Variants in ZSCAN25 observed in about 807,000 individuals in gnomAD.
ZSCAN25 encodes the protein zinc finger and SCAN domain-containing protein 25.
A neutral mutation model predicts 38.7 loss-of-function variants in ZSCAN25; 27 were observed. That is an observed-to-expected ratio of 0.70 (90% confidence interval 0.51 to 0.96). The LOEUF (loss-of-function observed/expected upper bound fraction) is 0.96. Ranked by LOEUF, ZSCAN25 falls within the 40% of genes least tolerant of loss-of-function variation. The pLI, the probability that ZSCAN25 is intolerant of heterozygous loss-of-function variation, is 0.00. For missense variants in ZSCAN25, 637 were observed against 705.9 expected, an observed-to-expected ratio of 0.90 and a Z score of 1.11; for synonymous variants, 273 against 277.7, an observed-to-expected ratio of 0.98 and a Z score of 0.17.
chr7:99,658,532 A>G, the ZSCAN25 span, among the ~76,000 whole-genome samples: 9 of 152,042 alleles, frequency 5.9e-5, no homozygotes, highest in South Asian at 1.0e-3. Context: ...CTTCATTTCA[A>G]CTTTGGTGAA....
the ZSCAN25 span, among the ~76,000 whole-genome samples, chr7:99,688,557 C>T: frequency 6.6e-6 from 1 of 152,066 alleles, no homozygotes; most frequent in African/African-American, 2.4e-5. Context: ...ACTTTGACTC[C>T]CACACAATAA....
chr7:99,727,271 G>T, the ZSCAN25 span, among the ~76,000 whole-genome samples: 1 of 152,176 alleles, frequency 6.6e-6, no homozygotes, highest in Non-Finnish European at 1.5e-5. Context: ...TTTTAGGCTG[G>T]TCATCATGTC....
chr7:99,638,418 A>G, the ZSCAN25 span: 1 of 1,581,132 alleles, frequency 6.3e-7, no homozygotes, highest in Non-Finnish European at 8.7e-7. Flanking sequence ...GAAGATGAGG[A>G]TTATGGCATC....
chr7:99,625,576 G>A (rs1198567481), intron 7 of ZSCAN25, among the ~76,000 whole-genome samples: 1 of 152,208 alleles, frequency 6.6e-6, no homozygotes, highest in South Asian at 2.1e-4. Context: ...ATGTGGAGAT[G>A]TGTGATTGCT....
At chr7:99,715,602 A>T in the ZSCAN25 span, 1 of 1,328,318 alleles carries the variant, frequency 7.5e-7, no homozygotes, top group Non-Finnish European at 1.0e-6. Context: ...GAAGTGTTTT[A>T]AAGTTTACAA....
chr7:99,644,618 G>A, the ZSCAN25 span, among the ~76,000 whole-genome samples: 1 of 152,146 alleles, frequency 6.6e-6, no homozygotes, highest in African/African-American at 2.4e-5. Context: ...TTGATAGGAA[G>A]CTGCATATAA....
In ZSCAN25 at chr7:99,624,177, C is replaced by T. The variant is rs769477363; in HGVS notation, c.802C>T (p.Pro268Ser). The T allele has an allele frequency of 6.2e-7, 1 of 1,613,506 alleles. No individual in the cohort carries two copies. The highest frequency in any genetic ancestry group is 8.5e-7 in the Non-Finnish European group (1 of 1,179,898). ...YVEPQDCRVS[P>S]GGGSKEKEAK... ...GGAACCGCAGGACTGCAGGGTCTCTCCAGGTAAGACTGTCTCCACCCACAG... is the reference window on the plus strand; with the variant it reads ...GGAACCGCAGGACTGCAGGGTCTCTTCAGGTAAGACTGTCTCCACCCACAG... The change falls in exon 7 of 8, where the codon CCA (proline) becomes TCA (serine). Residue 268 changes from proline to serine, a missense_variant. Pro to Ser is a moderately conservative substitution (Grantham distance 74). Transcript: ENST00000394152.
rs1247269970 is a variant in ZSCAN25 at position 99,629,043 on chromosome 7, AAAG to A, written c.806-144_806-142del. On this transcript the variant is annotated intron_variant, in intron 7 of 7. Coordinates refer to ENST00000394152, the MANE Select transcript of ZSCAN25 (RefSeq NM_145115.3). The surrounding 1 kb of genome is among the most constrained non-coding windows in gnomAD (Gnocchi z 5.6). ...AAGACATGGAGGTGGAAATAAGGAA[AAAG>A]AAGTAAGGAAAGCCTGAGTTGAGGT... 1 of 1,146,106 alleles carries A rather than the reference AAAG, an allele frequency of 8.7e-7. No homozygotes were observed. The highest frequency in any genetic ancestry group is 1.6e-5 in the African/African-American group (1 of 63,810). The allele number at this position is 1,146,106 out of a possible 1,614,324, so 71.0% of individuals were successfully genotyped here.
Position 99,619,893 on chromosome 7 carries a change from G to A in ZSCAN25, c.287G>A (p.Arg96His), listed in dbSNP as rs574730636. The change falls in exon 4 of 8, where the codon CGC becomes CAC. Residue 96 changes from arginine (R) to histidine (H), a missense_variant. Coordinates refer to ENST00000394152, the MANE Select transcript of ZSCAN25 (RefSeq NM_145115.3). ...GAGCAGTTCCTCACTATCCTGCCCC[G>A]CGAGTTCTACGCCTGGATCCGGGAG... ...VLEQFLTILP[R>H]EFYAWIREHG... The A allele has an allele frequency of 8.7e-6, 14 of 1,614,224 alleles. No homozygotes were observed. Among genetic ancestry groups the A allele is most frequent in the South Asian group, 3.3e-5 (3 of 91,084 alleles).
chr7:99,667,211 G>A, the ZSCAN25 span: 44 of 465,464 alleles, frequency 9.5e-5, no homozygotes, highest in Non-Finnish European at 1.5e-4. Flanking sequence ...GATGCTCAAT[G>A]GAGATCCTAG....
the ZSCAN25 span, among the ~76,000 whole-genome samples, chr7:99,719,922 T>G: frequency 6.6e-6 from 1 of 152,090 alleles, no homozygotes; most frequent in African/African-American, 2.4e-5. Flanking sequence ...ACTTGAACCC[T>G]GGAGGTGGAG....
the ZSCAN25 span, chr7:99,705,458 G>A: frequency 1.2e-6 from 2 of 1,601,530 alleles, no homozygotes; most frequent in African/African-American, 1.3e-5. Context: ...GTGTTCTGGG[G>A]CACAGCTTTC....
chr7:99,632,785 G>A (rs1808093729), downstream of ZSCAN25, among the ~76,000 whole-genome samples: 1 of 152,136 alleles, frequency 6.6e-6, no homozygotes, highest in African/African-American at 2.4e-5. Flanking sequence ...GCAAGACCCT[G>A]TCTCAAAACA....
chr7:99,634,661 G>T (rs1808196523), downstream of ZSCAN25, among the ~76,000 whole-genome samples: 1 of 152,234 alleles, frequency 6.6e-6, no homozygotes, highest in South Asian at 2.1e-4. Context: ...GCTGGGCATG[G>T]TGGTGGGCAC....
the ZSCAN25 span, among the ~76,000 whole-genome samples, chr7:99,673,143 G>T: frequency 6.6e-6 from 1 of 152,178 alleles, no homozygotes; most frequent in Non-Finnish European, 1.5e-5. Context: ...GTTGGTGTGG[G>T]GCCCATGGAC....
chr7:99,731,206 G>A, the ZSCAN25 span: 5 of 1,601,712 alleles, frequency 3.1e-6, no homozygotes, highest in Admixed American at 1.7e-5. Context: ...ATAGATATAG[G>A]GGCTGGTGAG....
chr7:99,682,928 A>C, the ZSCAN25 span, among the ~76,000 whole-genome samples: 2 of 152,188 alleles, frequency 1.3e-5, no homozygotes, highest in African/African-American at 4.8e-5. Flanking sequence ...CACTGTTGGC[A>C]TGCAGAAATG....
At position 99,629,429 on chromosome 7, in the gene ZSCAN25, C is replaced by A; in HGVS notation, c.1044C>A (p.Phe348Leu). 6.2e-7 allele frequency: 1 copy of A among 1,614,234 alleles called. No individual in the cohort carries two copies. The highest frequency in any genetic ancestry group is 8.5e-7 in the Non-Finnish European group (1 of 1,180,042). The part of the protein sequence containing the change: ...VKTHSSFWKP[F>L]QCPECGKGFS... ...CCCACAGCTCCTTCTGGAAGCCTTT[C>A]CAGTGCCCTGAGTGTGGGAAAGGAT... Residue 348 changes from phenylalanine to leucine, a missense_variant, in exon 8 of 8, where the codon TTC becomes TTA. Phe to Leu is a conservative substitution (Grantham distance 22, BLOSUM62 0). Transcript: ENST00000394152. The surrounding 1 kb of genome is among the most constrained non-coding windows in gnomAD (Gnocchi z 5.6).
chr7:99,654,092 T>G, the ZSCAN25 span, among the ~76,000 whole-genome samples: 1 of 152,174 alleles, frequency 6.6e-6, no homozygotes, highest in Non-Finnish European at 1.5e-5. Flanking sequence ...TGAATTTTTT[T>G]TTTTATACTT....
Sources: gnomAD v4.1 joint callset for allele counts (sites outside exome capture counted in the v4.1 genomes callset) on GRCh38, gnomAD v4.1.1 for gene constraint, Gnocchi (gnomAD v3.1) non-coding constraint, MANE v1.5 for transcripts, NCBI Gene and HGNC (gene_info 2026-07-23, HGNC 2026-07-21) for gene names.